CPVL: variants seen among roughly 807,000 people sequenced by gnomAD.
CPVL encodes probable serine carboxypeptidase CPVL.
Under a neutral mutation model 63.7 loss-of-function variants are expected in CPVL, and 51 were observed. The ratio of observed to expected loss-of-function variants is 0.80; its 90% CI spans 0.64 to 1.01. The LOEUF (loss-of-function observed/expected upper bound fraction) is 1.01, where lower values mean the gene tolerates loss of function less well. Ranked by LOEUF, CPVL falls within the 50% of genes least tolerant of loss-of-function variation. The pLI, the probability that CPVL is intolerant of heterozygous loss-of-function variation, is 0.00. For missense variants in CPVL, 530 were observed against 573.1 expected (o/e 0.92, Z 0.77); for synonymous variants, 195 against 206.0 (o/e 0.95, Z 0.46).
exon 1 of CPVL, chr7:29,195,212 G>GC (rs902621322): frequency 2.1e-6 from 1 of 472,478 alleles, no homozygotes; most frequent in African/African-American, 2.1e-5. Flanking sequence ...GAGCGGTGGT[G>GC]CCCTTAGTGT....
chr7:29,006,495 C>G (rs927759225), intron 12 of CPVL, among the ~76,000 whole-genome samples: 2 of 152,196 alleles, frequency 1.3e-5, no homozygotes, highest in Non-Finnish European at 2.9e-5. Flanking sequence ...CCTACCCTCA[C>G]TGAGTTCTAG....
intron 11 of CPVL, among the ~76,000 whole-genome samples, chr7:29,041,929 T>C (rs1017859333): frequency 2.6e-5 from 4 of 152,228 alleles, no homozygotes; most frequent in African/African-American, 4.8e-5. Flanking sequence ...TTCACCTGTT[T>C]CTTTTATAGT....
intron 5 of CPVL, among the ~76,000 whole-genome samples, chr7:29,156,636 A>T (rs1264875549): frequency 1.3e-5 from 2 of 152,176 alleles, no homozygotes; most frequent in African/African-American, 4.8e-5. Flanking sequence ...CTCTTTAGAT[A>T]TCTATAAACG....
intron 9 of CPVL, among the ~76,000 whole-genome samples, chr7:29,070,395 C>T (rs1783623855): frequency 6.6e-6 from 1 of 152,176 alleles, no homozygotes; most frequent in African/African-American, 2.4e-5. Context: ...ATCCTGTGTG[C>T]TTCTTTAAAA....
chr7:29,182,674 T>C (rs1189297089), intron 4 of CPVL, among the ~76,000 whole-genome samples: 1 of 152,238 alleles, frequency 6.6e-6, no homozygotes, highest in Non-Finnish European at 1.5e-5. Flanking sequence ...GTAAACCCAA[T>C]GTCCCTCAAG....
At chr7:29,027,188 C>A (rs752240294) in intron 12 of CPVL, among the ~76,000 whole-genome samples, 3 of 152,022 alleles carry the variant, frequency 2.0e-5, no homozygotes, top group Non-Finnish European at 2.9e-5. Context: ...TCAACATATG[C>A]AAATCAATAA....
At chr7:29,129,505 C>G (rs1012345828) in intron 1 of CPVL, among the ~76,000 whole-genome samples, 4 of 150,182 alleles carry the variant, frequency 2.7e-5, no homozygotes, top group South Asian at 2.1e-4. Flanking sequence ...GAGTCTCGCT[C>G]GGTCGCCAGG....
At chr7:29,170,805 G>A (rs1262970761) in intron 5 of CPVL, among the ~76,000 whole-genome samples, 5 of 152,178 alleles carry the variant, frequency 3.3e-5, no homozygotes, top group African/African-American at 9.7e-5. Flanking sequence ...CAATCATGGC[G>A]GAAGGCGAGG....
At chr7:29,194,314 C>G (rs1348820311) in intron 1 of CPVL, 1 of 152,512 alleles carries the variant, frequency 6.6e-6, no homozygotes, top group Admixed American at 6.5e-5. Context: ...TCCCGCCTCC[C>G]CCTGTCCAGC....
In CPVL at chr7:29,035,769, C is replaced by T. The variant is rs114235110; in HGVS notation, c.1138-5010G>A. On this transcript the variant is annotated intron_variant, in intron 11 of 12. Transcript: ENST00000265394. ...AGTGACCATCTGCTGCTTTTGCATGCCCAGGTCCACTCTCCCTTCTCCTGG... is the reference window on the plus strand; with the variant it reads ...AGTGACCATCTGCTGCTTTTGCATGTCCAGGTCCACTCTCCCTTCTCCTGG... Among the ~76,000 whole-genome samples, 1,478 of 152,294 alleles carry T rather than the reference C, an allele frequency of 9.7e-3. 24 individuals are homozygous for T. The highest frequency in any genetic ancestry group is 0.034 in the African/African-American group (1,403 of 41,550).
chr7:29,106,241 G>A (rs979484029), intron 3 of CPVL, among the ~76,000 whole-genome samples: 1 of 152,180 alleles, frequency 6.6e-6, no homozygotes, highest in Non-Finnish European at 1.5e-5. Flanking sequence ...ACAAGGGAAC[G>A]ACCCTCTGGG....
intron 5 of CPVL, among the ~76,000 whole-genome samples, chr7:29,154,103 G>T (rs1370723340): frequency 2.6e-5 from 4 of 152,152 alleles, no homozygotes; most frequent in Admixed American, 1.3e-4. Flanking sequence ...AGAGTCAACT[G>T]AACTAATATC....
intron 11 of CPVL, among the ~76,000 whole-genome samples, chr7:29,053,379 G>A (rs565460865): frequency 6.6e-6 from 1 of 152,300 alleles, no homozygotes; most frequent in Non-Finnish European, 1.5e-5. Context: ...TGAATAGAAT[G>A]TGGTATAACC....
At chr7:29,177,165 A>G (rs1392086139) in intron 5 of CPVL, among the ~76,000 whole-genome samples, 1 of 152,164 alleles carries the variant, frequency 6.6e-6, no homozygotes, top group Non-Finnish European at 1.5e-5. Flanking sequence ...TTCCTTTCTA[A>G]TCTTCAGATT....
At chr7:29,114,573 T>C (rs926853780) in intron 2 of CPVL, among the ~76,000 whole-genome samples, 1 of 151,746 alleles carries the variant, frequency 6.6e-6, no homozygotes, top group East Asian at 1.9e-4. Context: ...AAGGCTGCAG[T>C]GAGCCATGAT....
At chr7:29,120,361 G>A (rs1789235146) in intron 2 of CPVL, among the ~76,000 whole-genome samples, 1 of 152,050 alleles carries the variant, frequency 6.6e-6, no homozygotes, top group African/African-American at 2.4e-5. Flanking sequence ...GGCAGAGGTT[G>A]CAGTAAGCAG....
intron 7 of CPVL, among the ~76,000 whole-genome samples, chr7:29,085,227 C>G (rs898041442): frequency 6.6e-6 from 1 of 152,124 alleles, no homozygotes; most frequent in Non-Finnish European, 1.5e-5. Context: ...AGGGAAAGTA[C>G]AAGAAGTACA....
chr7:29,184,927 G>GT lies in CPVL; in HGVS notation c.-261-380_-261-379insA, dbSNP rs571525484. On this transcript the variant is annotated intron_variant, in intron 3 of 16. Coordinates refer to the CPVL transcript ENST00000409850. ...TGTGGATAAGGACAAAAATCTTTGG[G>GT]CATAAAGAGTCAGCTAAAATACTTT... is the stretch of plus-strand genomic sequence containing the variant. Among the ~76,000 whole-genome samples the GT allele has an allele frequency of 3.9e-5, 6 of 152,262 alleles. No individual in the cohort carries two copies. In the South Asian group the frequency reaches 1.0e-3, roughly 26 times the overall value.
chr7:29,112,200 C>T (rs1287391404), intron 3 of CPVL, among the ~76,000 whole-genome samples: 1 of 152,038 alleles, frequency 6.6e-6, no homozygotes, highest in African/African-American at 2.4e-5. Context: ...CCTCTGTGGC[C>T]CCCACAGAAC....
Sources: gnomAD v4.1 joint callset for allele counts (sites outside exome capture counted in the v4.1 genomes callset) on GRCh38, gnomAD v4.1.1 for gene constraint, MANE v1.5 for transcripts, NCBI Gene and HGNC (gene_info 2026-07-23, HGNC 2026-07-21) for gene names.